Variants in FOXP1 observed in about 807,000 individuals in gnomAD.
FOXP1 encodes forkhead box protein P1.
Under a neutral mutation model 98.2 loss-of-function variants are expected in FOXP1, and 15 were observed. The observed-to-expected ratio is 0.15, with a 90% CI of 0.10 to 0.24. The LOEUF is 0.24. FOXP1 is among the 10% of genes least tolerant of loss of function. The pLI is 1.00. For missense variants in FOXP1, 633 were observed against 848.5 expected, an observed-to-expected ratio of 0.75 and a Z score of 3.15; for synonymous variants, 371 against 314.5, an observed-to-expected ratio of 1.18 and a Z score of -1.90.
In FOXP1 at chr3:70,957,373, T is replaced by C. The variant is rs2032079047; in HGVS notation, c.*1874A>G. On this transcript the variant is annotated 3_prime_UTR_variant, in exon 21 of 21. Coordinates refer to ENST00000649528, the MANE Select transcript of FOXP1 (RefSeq NM_001349338.3). The stretch of plus-strand genomic sequence containing the variant: ...TAAATTTACGATGAAGGAGCAGTTC[T>C]CTTTCTCAGGTTGCAATAGCCTATC... The C allele has an allele frequency of 4.4e-6, 1 of 229,428 alleles. No individual in the cohort carries two copies. The highest frequency in any genetic ancestry group is 8.7e-6 in the Non-Finnish European group (1 of 115,582). The allele number at this position is 229,428 out of a possible 1,614,324, so 14.2% of individuals were successfully genotyped here. A position where few individuals can be genotyped will look rare whatever the true frequency, so the allele number is the denominator to read the frequency against.
chr3:71,078,872 C>G (rs767682957), intron 7 of FOXP1, among the ~76,000 whole-genome samples: 2 of 152,120 alleles, frequency 1.3e-5, no homozygotes, highest in African/African-American at 2.4e-5. Context: ...CTTGGAAGCA[C>G]AAGAGCTAGT....
intron 12 of FOXP1, among the ~76,000 whole-genome samples, chr3:71,002,378 A>T (rs918931120): frequency 6.6e-6 from 1 of 152,338 alleles, no homozygotes; most frequent in South Asian, 2.1e-4. Context: ...ATGGTGAACA[A>T]CAGTGATGCA....
At chr3:71,258,545 C>G (rs1262274011) in intron 5 of FOXP1, among the ~76,000 whole-genome samples, 1 of 152,100 alleles carries the variant, frequency 6.6e-6, no homozygotes, top group Non-Finnish European at 1.5e-5. Context: ...CTAGAAGACA[C>G]AGAGACTGGG....
chr3:70,991,109 CTGAGTA>C (rs1398258104), intron 13 of FOXP1, among the ~76,000 whole-genome samples: 5 of 148,272 alleles, frequency 3.4e-5, no homozygotes, highest in South Asian at 4.2e-4. Context: ...AAACTACTGG[CTGAGTA>C]TATGTTTGAA....
At chr3:71,165,217 G>C (rs2061341998) in intron 6 of FOXP1, among the ~76,000 whole-genome samples, 1 of 140,258 alleles carries the variant, frequency 7.1e-6, no homozygotes, top group Non-Finnish European at 1.5e-5. Context: ...ACTAGGAATA[G>C]CTTTTACCAA....
At chr3:71,018,053 A>C (rs145335793) in intron 11 of FOXP1, among the ~76,000 whole-genome samples, 4 of 152,304 alleles carry the variant, frequency 2.6e-5, no homozygotes, top group African/African-American at 9.6e-5. Flanking sequence ...TCCTGGGTTA[A>C]GCTGGGAGTG....
intron 2 of FOXP1, among the ~76,000 whole-genome samples, chr3:71,553,177 C>T (rs1223588821): frequency 6.6e-6 from 1 of 152,080 alleles, no homozygotes; most frequent in Non-Finnish European, 1.5e-5. Context: ...TGAGGATATT[C>T]TCAATTCTAC....
At chr3:71,501,967 C>G (rs2107195634) in intron 2 of FOXP1, among the ~76,000 whole-genome samples, 1 of 152,264 alleles carries the variant, frequency 6.6e-6, no homozygotes, top group African/African-American at 2.4e-5. Flanking sequence ...AGGTTATATC[C>G]TGGATGGTGG....
intron 5 of FOXP1, among the ~76,000 whole-genome samples, chr3:71,292,262 T>C (rs80315299): frequency 0.015 from 2,307 of 152,292 alleles, 23 homozygotes; most frequent in South Asian, 0.026. Context: ...TGGCAAGCCA[T>C]AGACTGCAAT....
intron 3 of FOXP1, among the ~76,000 whole-genome samples, chr3:71,488,137 T>C (rs1480609229): frequency 6.6e-6 from 1 of 152,196 alleles, no homozygotes; most frequent in Non-Finnish European, 1.5e-5. Context: ...GTAACATGTT[T>C]AACATTATCC....
intron 5 of FOXP1, among the ~76,000 whole-genome samples, chr3:71,263,048 G>A (rs2069309084): frequency 6.6e-6 from 1 of 152,198 alleles, no homozygotes; most frequent in South Asian, 2.1e-4. Context: ...AGGAGACCCT[G>A]AAAGTGATTC....
In FOXP1 at chr3:71,213,095, T is replaced by G. The variant is rs902535967; in HGVS notation, c.-11-14703A>C. 3.3e-5 allele frequency among the ~76,000 whole-genome samples: 5 copies of G among 152,300 alleles called. No individual in the cohort carries two copies. The East Asian group carries it at 7.7e-4, about 24-fold the overall frequency. On this transcript the variant is annotated intron_variant, in intron 5 of 20. Transcript: ENST00000649528. ...CAAAGGCATGGGCATATAGTTTACATAGATTAAATCCAAAATAACACTCCC... is the reference window on the plus strand; with the variant it reads ...CAAAGGCATGGGCATATAGTTTACAGAGATTAAATCCAAAATAACACTCCC...
intron 11 of FOXP1, among the ~76,000 whole-genome samples, chr3:71,022,083 C>G (rs936861653): frequency 6.6e-6 from 1 of 152,102 alleles, no homozygotes; most frequent in East Asian, 1.9e-4. Flanking sequence ...AACTTTATAG[C>G]TTTAGCTTTC....
At chr3:71,338,724 T>G (rs2076835735) in intron 4 of FOXP1, among the ~76,000 whole-genome samples, 1 of 152,128 alleles carries the variant, frequency 6.6e-6, no homozygotes, top group Admixed American at 6.6e-5. Flanking sequence ...GGCCAATATT[T>G]TTCTTTAAAA....
At chr3:71,186,855 T>C (rs1387104035) in intron 6 of FOXP1, among the ~76,000 whole-genome samples, 1 of 152,254 alleles carries the variant, frequency 6.6e-6, no homozygotes, top group Non-Finnish European at 1.5e-5. Context: ...TCTTGTCACA[T>C]CTGCCATTCA....
intron 12 of FOXP1, among the ~76,000 whole-genome samples, chr3:71,010,132 G>A (rs1488438448): frequency 6.6e-6 from 1 of 152,134 alleles, no homozygotes; most frequent in East Asian, 1.9e-4. Context: ...CTGAGGCTCA[G>A]ATGACATGTG....
At chr3:71,194,811 T>G (rs1273000009) in intron 6 of FOXP1, among the ~76,000 whole-genome samples, 1 of 152,182 alleles carries the variant, frequency 6.6e-6, no homozygotes, top group African/African-American at 2.4e-5. Context: ...GTTATAATAG[T>G]TTCATGGCTC....
Position 71,053,891 on chromosome 3 carries a change from A to T in FOXP1, c.283-118T>A, listed in dbSNP as rs184657832. 503 of 1,033,694 alleles carry T rather than the reference A, an allele frequency of 4.9e-4. 1 individual carries two copies. The African/African-American group carries it at 7.1e-3, about 15-fold the overall frequency. 64.0% of individuals were successfully genotyped at this position (1,033,694 alleles called of 1,614,324 possible). On this transcript the variant is annotated intron_variant, in intron 7 of 20. Transcript: ENST00000649528. ...AGAGTTGACCAATTTCCCATGCAAC[A>T]TGTATTTATCCAGAGGGGATGCAGC...
intron 6 of FOXP1, among the ~76,000 whole-genome samples, chr3:71,128,434 T>C (rs1015882331): frequency 2.0e-5 from 3 of 152,084 alleles, no homozygotes; most frequent in Admixed American, 6.5e-5. Context: ...TTACATAATA[T>C]TAAAGACTAG....
Sources: gnomAD v4.1 joint callset for allele counts (sites outside exome capture counted in the v4.1 genomes callset) on GRCh38, gnomAD v4.1.1 for gene constraint, MANE v1.5 for transcripts, NCBI Gene and HGNC (gene_info 2026-07-23, HGNC 2026-07-21) for gene names.